The following PCDH15 variants were observed in gnomAD, a reference collection of about 807,000 sequenced individuals.
PCDH15 encodes protocadherin-15.
Under a neutral mutation model 178.5 loss-of-function variants are expected in PCDH15, and 129 were observed. The observed-to-expected ratio is 0.72, with a 90% confidence interval of 0.63 to 0.84. The LOEUF (loss-of-function observed/expected upper bound fraction) is 0.84, where lower values mean the gene tolerates loss of function less well. Ranked by LOEUF, PCDH15 falls within the 40% of genes least tolerant of loss-of-function variation. PCDH15 has a pLI of 0.00. For missense variants in PCDH15, 2,230 were observed against 2,099.9 expected (o/e 1.06, Z -1.21); for synonymous variants, 800 against 732.0 (o/e 1.09, Z -1.50).
At chr10:54,592,238 T>C (rs2091931222) in intron 2 of PCDH15, among the ~76,000 whole-genome samples, 1 of 152,168 alleles carries the variant, frequency 6.6e-6, no homozygotes, top group Non-Finnish European at 1.5e-5. Context: ...TGTTCCATTG[T>C]AGAGCTCACG....
At chr10:54,716,964 C>T (rs1177003149) in intron 1 of PCDH15, among the ~76,000 whole-genome samples, 1 of 148,338 alleles carries the variant, frequency 6.7e-6, no homozygotes, top group African/African-American at 2.5e-5. Flanking sequence ...CGCATATCTA[C>T]AACTATCTGA....
chr10:55,560,495 C>T (rs548429255), intron 2 of PCDH15, among the ~76,000 whole-genome samples: 1 of 151,956 alleles, frequency 6.6e-6, no homozygotes, highest in Admixed American at 6.6e-5. Flanking sequence ...GAGTAACATA[C>T]TGAGAAATTC....
At chr10:54,253,084 C>T (rs1435844200) in intron 8 of PCDH15, among the ~76,000 whole-genome samples, 1 of 151,924 alleles carries the variant, frequency 6.6e-6, no homozygotes, top group Admixed American at 6.6e-5. Flanking sequence ...AGAAGAGATA[C>T]ATTTTGGGGA....
chr10:53,930,457 CAAAAAAAAA>C (rs60673116), intron 25 of PCDH15, among the ~76,000 whole-genome samples: 16 of 50,352 alleles, frequency 3.2e-4, no homozygotes, highest in East Asian at 2.2e-3. Flanking sequence ...GACTCCCTCT[CAAAAAAAAA>C]AAAAAAAAAA....
At chr10:55,567,059 G>C (rs552545331) in intron 2 of PCDH15, among the ~76,000 whole-genome samples, 3 of 152,024 alleles carry the variant, frequency 2.0e-5, no homozygotes, top group African/African-American at 7.2e-5. Flanking sequence ...TCAAAACATT[G>C]TGGTACTGGC....
chr10:53,943,259 C>T (rs548077541), intron 23 of PCDH15, among the ~76,000 whole-genome samples: 11 of 151,964 alleles, frequency 7.2e-5, no homozygotes, highest in Middle Eastern at 3.4e-3. Context: ...GAGGCTGAGC[C>T]GGGTGAATCC....
At chr10:54,878,082 TC>T (rs1369893993) in intron 3 of PCDH15, among the ~76,000 whole-genome samples, 1 of 151,194 alleles carries the variant, frequency 6.6e-6, no homozygotes, top group Non-Finnish European at 1.5e-5. Context: ...CCTTCCTCAG[TC>T]CCCCTCGTAG....
intron 15 of PCDH15, among the ~76,000 whole-genome samples, chr10:54,092,433 T>G (rs1357327281): frequency 6.6e-6 from 1 of 151,904 alleles, no homozygotes; most frequent in African/African-American, 2.4e-5. Flanking sequence ...TATTGCTTTC[T>G]CCCCCAGCTC....
At chr10:55,624,811 C>A (rs1376410473) in intron 2 of PCDH15, among the ~76,000 whole-genome samples, 1 of 151,984 alleles carries the variant, frequency 6.6e-6, no homozygotes, top group African/African-American at 2.4e-5. Flanking sequence ...AATAAAATGA[C>A]CAGACTCACC....
At chr10:54,075,794 T>A (rs1048327462) in intron 17 of PCDH15, among the ~76,000 whole-genome samples, 2 of 152,154 alleles carry the variant, frequency 1.3e-5, no homozygotes, top group African/African-American at 4.8e-5. Context: ...TTCTATTAAA[T>A]TACATTGGCC....
intron 14 of PCDH15, among the ~76,000 whole-genome samples, chr10:54,147,651 A>T (rs2133263750): frequency 6.6e-6 from 1 of 152,048 alleles, no homozygotes; most frequent in South Asian, 2.1e-4. Context: ...TATATATAAT[A>T]CCAACTTGTG....
intron 2 of PCDH15, among the ~76,000 whole-genome samples, chr10:55,364,243 C>T (rs1001199612): frequency 6.6e-6 from 1 of 152,168 alleles, no homozygotes; most frequent in African/African-American, 2.4e-5. Flanking sequence ...GTCAATGAAA[C>T]CTCTTTCCTT....
At chr10:55,275,498 A>G (rs960300510) in intron 1 of PCDH15, among the ~76,000 whole-genome samples, 2 of 151,982 alleles carry the variant, frequency 1.3e-5, no homozygotes, top group African/African-American at 4.8e-5. Flanking sequence ...AAATTACATA[A>G]AAATGATTTT....
intron 2 of PCDH15, among the ~76,000 whole-genome samples, chr10:54,635,193 A>T (rs2093816546): frequency 6.6e-6 from 1 of 150,792 alleles, no homozygotes; most frequent in South Asian, 2.1e-4. Flanking sequence ...ATAAATAAAT[A>T]ATTTATTCAT....
intron 2 of PCDH15, among the ~76,000 whole-genome samples, chr10:55,000,906 T>C (rs1048277114): frequency 6.6e-6 from 1 of 152,074 alleles, no homozygotes; most frequent in East Asian, 1.9e-4. Flanking sequence ...GCTTGGCAAA[T>C]CTGATGGTGC....
At chr10:54,105,537 G>A (rs1014462827) in intron 15 of PCDH15, among the ~76,000 whole-genome samples, 3 of 151,990 alleles carry the variant, frequency 2.0e-5, no homozygotes, top group Admixed American at 6.6e-5. Flanking sequence ...GGAGAAAGAT[G>A]TAGGCTGTAA....
intron 3 of PCDH15, among the ~76,000 whole-genome samples, chr10:54,408,908 G>T (rs951246180): frequency 1.3e-5 from 2 of 152,120 alleles, no homozygotes; most frequent in Non-Finnish European, 2.9e-5. Flanking sequence ...TTTCCTAGGT[G>T]ATATGGCTTG....
chr10:55,229,138 A>G (rs573766161), intron 1 of PCDH15, among the ~76,000 whole-genome samples: 1 of 152,034 alleles, frequency 6.6e-6, no homozygotes, highest in African/African-American at 2.4e-5. Flanking sequence ...AAACTCACAC[A>G]ATATAGAATT....
At chr10:54,763,446 A>G (rs902270053) in intron 1 of PCDH15, among the ~76,000 whole-genome samples, 2 of 152,100 alleles carry the variant, frequency 1.3e-5, no homozygotes, top group African/African-American at 4.8e-5. Context: ...CTAACTGGAG[A>G]AAATAACTCT....
Sources: allele counts gnomAD v4.1 joint callset (sites outside exome capture counted in the v4.1 genomes callset), GRCh38; gene constraint gnomAD v4.1.1; transcripts MANE v1.5; gene names NCBI Gene and HGNC (gene_info 2026-07-23, HGNC 2026-07-21).